Variants in LRBA observed in about 807,000 individuals in gnomAD.
The protein encoded by LRBA is lipopolysaccharide-responsive and beige-like anchor protein.
A neutral mutation model predicts 330.0 loss-of-function variants in LRBA; 176 were observed. The observed-to-expected ratio is 0.53, with a 90% CI of 0.47 to 0.60. The LOEUF is 0.60. LRBA is among the 20% of genes least tolerant of loss of function. The probability of loss-of-function intolerance (pLI) is 0.00; values close to 1 mark genes in which losing one functional copy is unlikely to be tolerated. For missense variants in LRBA, 3,259 were observed against 3,444.8 expected (o/e 0.95, Z 1.35); for synonymous variants, 1,230 against 1,193.0 (o/e 1.03, Z -0.64).
chr4:150,835,228 T>A lies in LRBA; in HGVS notation c.4570-3252A>T, dbSNP rs1169973658. On this transcript the variant is annotated intron_variant, in intron 28 of 56. Coordinates refer to ENST00000651943, the MANE Select transcript of LRBA (RefSeq NM_001364905.1). Reference sequence around the variant, plus strand: ...TGTAGCCTTATAGTATAGCTTGAAGTCAGGTAGTGTGATGCCTCCAGCTTT... The same window carrying A: ...TGTAGCCTTATAGTATAGCTTGAAGACAGGTAGTGTGATGCCTCCAGCTTT... 2.6e-5 allele frequency among the ~76,000 whole-genome samples: 4 copies of A among 152,222 alleles called. No homozygotes were observed. The South Asian group carries it at 6.2e-4, about 24-fold the overall frequency.
rs563348595 is a variant in LRBA at position 150,806,233 on chromosome 4, A to G, written c.5518+38T>C. 3.5e-6 allele frequency: 5 copies of G among 1,424,184 alleles called. No homozygotes were observed. In the African/African-American group the frequency reaches 7.4e-5, roughly 21 times the overall value. 88.2% of individuals were successfully genotyped at this position (1,424,184 alleles called of 1,614,324 possible). ...CCATGTAAGTTTTTAATCCTGAAAT[A>G]TAAATACATACAAATAAAATAAAGA... On this transcript the variant is annotated intron_variant, in intron 33 of 56. Coordinates refer to ENST00000651943, the MANE Select transcript of LRBA (RefSeq NM_001364905.1).
At position 150,759,406 on chromosome 4, in the gene LRBA, C is replaced by T. The variant is rs79983330; in HGVS notation, c.5645+2377G>A. 7.4e-3 allele frequency among the ~76,000 whole-genome samples: 1,121 copies of T among 152,264 alleles called. 11 individuals are homozygous for T. The highest frequency in any genetic ancestry group is 0.026 in the African/African-American group (1,064 of 41,552). ...TTTTCTTGCTATATTGGCCTCATTC[C>T]TCAAATACACCACAGAAGCTCTCAC... On this transcript the variant is annotated intron_variant, in intron 35 of 56. Transcript: ENST00000651943.
chr4:150,980,426 G>A (rs1360884026), intron 2 of LRBA, among the ~76,000 whole-genome samples: 1 of 152,142 alleles, frequency 6.6e-6, no homozygotes, highest in Non-Finnish European at 1.5e-5. Context: ...CAACAAAGAT[G>A]CCCACTATCA....
At chr4:150,737,917 T>G (rs1731425257) in intron 35 of LRBA, among the ~76,000 whole-genome samples, 1 of 151,198 alleles carries the variant, frequency 6.6e-6, no homozygotes, top group African/African-American at 2.4e-5. Context: ...ACTTTTACCC[T>G]ATTAAAATGG....
intron 37 of LRBA, among the ~76,000 whole-genome samples, chr4:150,679,197 A>T (rs1000197842): frequency 1.3e-5 from 2 of 152,214 alleles, no homozygotes; most frequent in Admixed American, 1.3e-4. Flanking sequence ...CCCTAGCCAT[A>T]GCTTTTAACG....
In LRBA at chr4:150,583,906, G is replaced by A. The variant is rs764824103; in HGVS notation, c.6330+4142C>T. 11 of 1,612,926 alleles carry A rather than the reference G, an allele frequency of 6.8e-6. No individual in the cohort carries two copies. Among genetic ancestry groups the A allele is most frequent in the East Asian group, 4.5e-5 (2 of 44,882 alleles). Reference sequence around the variant, plus strand: ...ACACCCACGAGAAACGGACTGGGACGAGTCGTGCCTGGGCGACCGGCTCAA... The same window carrying A: ...ACACCCACGAGAAACGGACTGGGACAAGTCGTGCCTGGGCGACCGGCTCAA... On this transcript the variant is annotated intron_variant, in intron 40 of 56. Transcript: ENST00000651943. The surrounding 1 kb of genome is among the most constrained non-coding windows in gnomAD (Gnocchi z 9.8).
At chr4:150,907,598 A>G (rs901005470) in intron 11 of LRBA, among the ~76,000 whole-genome samples, 3 of 152,154 alleles carry the variant, frequency 2.0e-5, no homozygotes, top group African/African-American at 7.2e-5. Context: ...TATAAAAGCA[A>G]AAATCAAAGG....
At chr4:150,370,098 T>C (rs572774041) in intron 47 of LRBA, among the ~76,000 whole-genome samples, 19 of 152,288 alleles carry the variant, frequency 1.2e-4, no homozygotes, top group African/African-American at 4.6e-4. Context: ...TAAGAAATAA[T>C]GTTTTGTGGA....
chr4:150,683,867 C>A (rs753893701), intron 36 of LRBA, 150 bp from the exon 37 acceptor site: 8 of 586,092 alleles, frequency 1.4e-5, no homozygotes, highest in Non-Finnish European at 2.4e-5. Flanking sequence ...TAGTGATCTG[C>A]TGTCTCAATA....
intron 49 of LRBA, among the ~76,000 whole-genome samples, chr4:150,323,025 G>GTGTGTGTGTGTGTGTGT (rs373782725): frequency 2.3e-4 from 33 of 142,616 alleles, no homozygotes; most frequent in South Asian, 6.6e-4. Flanking sequence ...GTGTGTGTGT[G>GTGTGTGTGTGTGTGTGT]GGGATGCATT....
rs1340209297 is a variant in LRBA at position 150,508,245 on chromosome 4, G to C, written c.6331-17210C>G. 6.5e-5 allele frequency among the ~76,000 whole-genome samples: 9 copies of C among 137,744 alleles called. No homozygotes were observed. In the East Asian group the frequency reaches 1.9e-3, roughly 29 times the overall value. 90.4% of individuals were successfully genotyped at this position (137,744 alleles called of 152,430 possible). ...ATAATAAAATTTAAAAAAAAAGGGG[G>C]GGGGGGGGAGAAAAAGACATCACAT... On this transcript the variant is annotated intron_variant, in intron 40 of 56. Transcript: ENST00000651943.
At chr4:150,829,127 G>A (rs1368967237) in intron 29 of LRBA, among the ~76,000 whole-genome samples, 1 of 151,984 alleles carries the variant, frequency 6.6e-6, no homozygotes, top group Non-Finnish European at 1.5e-5. Context: ...GTAGAGATGA[G>A]GTTTCACCAT....
intron 28 of LRBA, among the ~76,000 whole-genome samples, chr4:150,837,090 T>C (rs953045588): frequency 2.0e-5 from 3 of 152,224 alleles, no homozygotes; most frequent in Admixed American, 1.3e-4. Flanking sequence ...TCAGTTTCCA[T>C]GTAGTTGAGT....
intron 33 of LRBA, among the ~76,000 whole-genome samples, chr4:150,801,685 C>G (rs1443390429): frequency 2.6e-5 from 4 of 152,122 alleles, no homozygotes; most frequent in Non-Finnish European, 5.9e-5. Context: ...TGGGATGGCC[C>G]AGGTTCTTGT....
chr4:150,319,477 T>G (rs190216592), intron 50 of LRBA, among the ~76,000 whole-genome samples: 1 of 152,250 alleles, frequency 6.6e-6, no homozygotes, highest in East Asian at 1.9e-4. Context: ...AAAAAGTGTT[T>G]AGAGAAACAA....
chr4:150,639,055 G>A (rs1486708868), intron 37 of LRBA, among the ~76,000 whole-genome samples: 1 of 131,300 alleles, frequency 7.6e-6, no homozygotes, highest in Non-Finnish European at 1.6e-5. Flanking sequence ...CCTTTGTAGG[G>A]ACATGGATGA....
At chr4:150,620,285 T>TTC (rs1339829550) in intron 37 of LRBA, among the ~76,000 whole-genome samples, 1 of 152,044 alleles carries the variant, frequency 6.6e-6, no homozygotes, top group Non-Finnish European at 1.5e-5. Flanking sequence ...GAATGGCCAT[T>TTC]ATTAAAAAGT....
At position 150,828,268 on chromosome 4, in the gene LRBA, CT is replaced by C; in HGVS notation, c.5082del (p.Val1695TrpfsTer61). 1 of 1,614,162 alleles carries C rather than the reference CT, an allele frequency of 6.2e-7. No homozygotes were observed. ...SLVNIPADGV[T>X]VDPALLPPAC... ...GCTGGTGGCAGAAGGGCAGGATCCA[CT>C]GTGACTCCATCTGCTGGTATGTTAA... is the stretch of plus-strand genomic sequence containing the variant. On this transcript the variant is annotated frameshift_variant, in exon 30 of 57. Transcript: ENST00000651943. LOFTEE classifies it high-confidence loss of function.
At chr4:150,436,649 T>C in intron 45 of LRBA, 75 bp downstream of exon 45, 1 of 1,257,530 alleles carries the variant, frequency 8.0e-7, no homozygotes, top group Non-Finnish European at 1.1e-6. Flanking sequence ...AATATGCTTA[T>C]GAGTTCTAAT....
Sources: gnomAD v4.1 joint callset for allele counts (sites outside exome capture counted in the v4.1 genomes callset) on GRCh38, gnomAD v4.1.1 for gene constraint, Gnocchi (gnomAD v3.1) non-coding constraint, MANE v1.5 for transcripts, NCBI Gene and HGNC (gene_info 2026-07-23, HGNC 2026-07-21) for gene names.